The following P2RX3 variants were observed in gnomAD, a reference collection of about 807,000 sequenced individuals.
P2RX3 encodes P2X purinoceptor 3.
Under a neutral mutation model 51.5 loss-of-function variants are expected in P2RX3, and 41 were observed. The ratio of observed to expected loss-of-function variants is 0.80; its 90% CI spans 0.62 to 1.03. The LOEUF is 1.03. P2RX3 is among the 50% of genes least tolerant of loss of function. P2RX3 has a pLI of 0.00. For synonymous variants in P2RX3, 185 were observed against 191.6 expected, an observed-to-expected ratio of 0.97 and a Z score of 0.29; for missense variants, 459 against 522.1, an observed-to-expected ratio of 0.88 and a Z score of 1.18.
intron 8 of P2RX3, among the ~76,000 whole-genome samples, chr11:57,359,343 G>T (rs1383886100): frequency 6.6e-6 from 1 of 152,168 alleles, no homozygotes; most frequent in Admixed American, 6.5e-5. Flanking sequence ...CAGGGAATGT[G>T]GGCTGCAGAG....
intron 10 of P2RX3, among the ~76,000 whole-genome samples, chr11:57,369,084 G>A (rs948257591): frequency 5.3e-5 from 8 of 152,078 alleles, no homozygotes; most frequent in South Asian, 2.1e-4. Context: ...ATCCATGAAC[G>A]GATTAATCCA....
rs117203932 is a variant in P2RX3, at chr11:57,362,737, C to T, written c.843-5272C>T. On this transcript the variant is annotated intron_variant, in intron 8 of 11. Transcript: ENST00000263314. Reference sequence around the variant, plus strand: ...TGTGACCTTAGACAAGTTGCTTCACCTCTCTGATCTTGATTCCTCAGCTGT... The same window carrying T: ...TGTGACCTTAGACAAGTTGCTTCACTTCTCTGATCTTGATTCCTCAGCTGT... Among the ~76,000 whole-genome samples the T allele has an allele frequency of 2.9e-4, 44 of 152,294 alleles. 1 individual carries two copies. In the East Asian group the frequency reaches 6.4e-3, roughly 22 times the overall value.
At chr11:57,347,366 C>T in intron 3 of P2RX3, 49 bp from the exon 4 acceptor site, 2 of 1,547,510 alleles carry the variant, frequency 1.3e-6, no homozygotes, top group East Asian at 2.4e-5. Context: ...GCGGAGCTCA[C>T]CAGGCCAGGA....
intron 8 of P2RX3, among the ~76,000 whole-genome samples, chr11:57,355,334 CTTTTTT>C (rs1201675322): frequency 4.3e-4 from 51 of 117,318 alleles, no homozygotes; most frequent in African/African-American, 1.5e-3. Flanking sequence ...TATTTTATTT[CTTTTTT>C]TTTTTTTTTT....
At chr11:57,349,993 G>A in intron 7 of P2RX3, 95 bp downstream of exon 7, 1 of 1,531,814 alleles carries the variant, frequency 6.5e-7, no homozygotes, top group Non-Finnish European at 8.8e-7. Context: ...GCCAGGAGCC[G>A]CCGCGAGACA....
chr11:57,350,000 G>T, intron 7 of P2RX3, 102 bp downstream of exon 7: 1 of 1,515,256 alleles, frequency 6.6e-7, no homozygotes, highest in Non-Finnish European at 8.9e-7. Context: ...GCCGCCGCGA[G>T]ACAGCGCCAC....
At chr11:57,365,879 T>A (rs1856789866) in intron 8 of P2RX3, among the ~76,000 whole-genome samples, 1 of 152,212 alleles carries the variant, frequency 6.6e-6, no homozygotes, top group African/African-American at 2.4e-5. Flanking sequence ...GGGCTGAGCA[T>A]TTCCTTCTCT....
At chr11:57,359,834 A>G (rs949676315) in intron 8 of P2RX3, among the ~76,000 whole-genome samples, 1 of 152,060 alleles carries the variant, frequency 6.6e-6, no homozygotes, top group African/African-American at 2.4e-5. Flanking sequence ...CCTTTCCCCA[A>G]CCTGTAAAAT....
Position 57,347,403 on chromosome 11 carries a change from G to A in P2RX3, c.328-12G>A, listed in dbSNP as rs750788088. 66 of 1,557,176 alleles carry A rather than the reference G, an allele frequency of 4.2e-5. No individual in the cohort carries two copies. In the Middle Eastern group the frequency reaches 5.0e-4, roughly 12 times the overall value. On this transcript the variant is annotated splice_polypyrimidine_tract_variant and intron_variant, in intron 3 of 11. Coordinates refer to ENST00000263314, the MANE Select transcript of P2RX3 (RefSeq NM_002559.5). ...AGTGTCCTTCACCAACCTGTGACCCGTCTGCCCACAGAGTGAGGAGAAATA... is the reference window on the plus strand; with the variant it reads ...AGTGTCCTTCACCAACCTGTGACCCATCTGCCCACAGAGTGAGGAGAAATA...
chr11:57,350,296 C>CTTTTTTTTTT lies in P2RX3; in HGVS notation c.705+410_705+419dup, dbSNP rs1183553337. The CTTTTTTTTTT allele has an allele frequency of 3.7e-4, 40 of 108,812 alleles. 2 individuals are homozygous for CTTTTTTTTTT. Among genetic ancestry groups the CTTTTTTTTTT allele is most frequent in the South Asian group, 1.7e-3 (5 of 2,948 alleles). The allele number at this position is 108,812 out of a possible 1,614,324, so 6.7% of individuals were successfully genotyped here. A position where few individuals can be genotyped will look rare whatever the true frequency, so the allele number is the denominator to read the frequency against. On this transcript the variant is annotated intron_variant, in intron 7 of 11. Coordinates refer to ENST00000263314, the MANE Select transcript of P2RX3 (RefSeq NM_002559.5). ...CCAATGTTCGCATCCGAGCCACAAC[C>CTTTTTTTTTT]TTTTTTTTTTTTTTTTTTTTTGAGA...
intron 8 of P2RX3, among the ~76,000 whole-genome samples, chr11:57,351,650 T>C (rs945049127): frequency 6.6e-6 from 1 of 152,260 alleles, no homozygotes; most frequent in Non-Finnish European, 1.5e-5. Context: ...CAGGATTCAA[T>C]TAACCAATGT....
intron 1 of P2RX3, among the ~76,000 whole-genome samples, chr11:57,343,270 A>G (rs755801973): frequency 2.6e-5 from 4 of 152,026 alleles, no homozygotes; most frequent in Non-Finnish European, 5.9e-5. Flanking sequence ...AGGAGGAGGT[A>G]GGAGATTGGT....
At chr11:57,336,079 A>G (rs886578733), upstream of P2RX3, among the ~76,000 whole-genome samples, 1 of 152,158 alleles carries the variant, frequency 6.6e-6, no homozygotes. Flanking sequence ...TCGAGACTAG[A>G]TACTAAAGAG....
In P2RX3 at chr11:57,350,849, C is replaced by G; in HGVS notation, c.793C>G (p.Leu265Val). ...QCIPKYSFTR[L>V]DSVSEKSSVS... ...CATCCCCAAATACTCCTTCACCCGG[C>G]TCGACAGCGTTTCTGAGAAAAGCAG... The change falls in exon 8 of 12, where the codon CTC (leucine) becomes GTC (valine). Residue 265 changes from leucine to valine, a missense_variant. Transcript: ENST00000263314. 2 of 1,614,154 alleles carry G rather than the reference C, an allele frequency of 1.2e-6. No homozygotes were observed.
intron 9 of P2RX3, 64 bp downstream of exon 9, chr11:57,368,166 C>A: frequency 6.6e-7 from 1 of 1,525,984 alleles, no homozygotes; most frequent in Non-Finnish European, 9.1e-7. Flanking sequence ...CTCTCGGGTT[C>A]TGAAAAAGCT....
chr11:57,355,433 C>G (rs547440011), intron 8 of P2RX3, among the ~76,000 whole-genome samples: 7 of 151,052 alleles, frequency 4.6e-5, no homozygotes, highest in African/African-American at 1.7e-4. Context: ...CTCTACCTCC[C>G]GGGTTGATGC....
intron 1 of P2RX3, among the ~76,000 whole-genome samples, chr11:57,345,946 T>A (rs1856424052): frequency 7.2e-6 from 1 of 139,840 alleles, no homozygotes; most frequent in Non-Finnish European, 1.5e-5. Context: ...CGCTTCCTCC[T>A]CTGTTCTCAT....
At chr11:57,344,751 G>C (rs9667522) in intron 1 of P2RX3, among the ~76,000 whole-genome samples, 1 of 151,936 alleles carries the variant, frequency 6.6e-6, no homozygotes, top group African/African-American at 2.4e-5. Context: ...AGAATAAAAA[G>C]AAAAAAAGAT....
intron 4 of P2RX3, among the ~76,000 whole-genome samples, chr11:57,347,963 G>C (rs552374724): frequency 3.3e-5 from 5 of 152,280 alleles, no homozygotes; most frequent in African/African-American, 9.6e-5. Context: ...GCTGGGGCTC[G>C]GAGCACATGA....
Sources: allele counts gnomAD v4.1 joint callset (sites outside exome capture counted in the v4.1 genomes callset), GRCh38; gene constraint gnomAD v4.1.1; transcripts MANE v1.5; gene names NCBI Gene and HGNC (gene_info 2026-07-23, HGNC 2026-07-21).